Variants in HOMER2 observed in about 807,000 individuals in gnomAD.
HOMER2 encodes the protein homer scaffold protein 2.
HOMER2 carries 27 observed loss-of-function variants against 47.0 expected under a neutral mutation model. The ratio of observed to expected loss-of-function variants is 0.57; its 90% confidence interval spans 0.42 to 0.79. The LOEUF is 0.79. Ranked by LOEUF, HOMER2 falls within the 30% of genes least tolerant of loss-of-function variation. The pLI, the probability that HOMER2 is intolerant of heterozygous loss-of-function variation, is 0.00. For synonymous variants in HOMER2, 161 were observed against 163.8 expected (o/e 0.98, Z 0.13); for missense variants, 443 against 435.0 (o/e 1.02, Z -0.16).
chr15:82,985,688 C>G (rs1216851508), intron 1 of HOMER2: 1 of 152,216 alleles, frequency 6.6e-6, no homozygotes, highest in East Asian at 1.9e-4. Context: ...ATGGGCAAGA[C>G]TCTTGGAAGT....
chr15:82,836,415 C>T (rs776093755), downstream of HOMER2, among the ~76,000 whole-genome samples: 7 of 152,240 alleles, frequency 4.6e-5, no homozygotes, highest in Non-Finnish European at 1.0e-4. Flanking sequence ...CAGCCCCTGC[C>T]CCTGCCACAG....
intron 1 of HOMER2, among the ~76,000 whole-genome samples, chr15:82,966,182 TAAG>T (rs886669740): frequency 4.0e-5 from 6 of 151,768 alleles, no homozygotes; most frequent in African/African-American, 1.5e-4. Flanking sequence ...ATGCAAGGAG[TAAG>T]CATAAGCTGA....
intron 1 of HOMER2, among the ~76,000 whole-genome samples, chr15:82,962,307 G>C (rs971793870): frequency 1.3e-5 from 2 of 149,782 alleles, no homozygotes; most frequent in Non-Finnish European, 3.0e-5. Context: ...GGAGCTTGCA[G>C]TGAGCTGAGA....
chr15:82,950,715 G>A (rs1302111739), intron 1 of HOMER2, among the ~76,000 whole-genome samples: 2 of 152,166 alleles, frequency 1.3e-5, no homozygotes, highest in Admixed American at 6.5e-5. Flanking sequence ...TACATTTATC[G>A]AATGATGTTA....
chr15:82,867,367 GAAA>G (rs10583915), intron 3 of HOMER2, among the ~76,000 whole-genome samples: 1 of 133,966 alleles, frequency 7.5e-6, no homozygotes. Context: ...AATATAAAAG[GAAA>G]AAAAAAAAAA....
At chr15:82,839,127 A>T (rs976958596) in exon 2 of HOMER2, 1 of 152,056 alleles carries the variant, frequency 6.6e-6, no homozygotes, top group Non-Finnish European at 1.5e-5. Context: ...TATCTGGTGG[A>T]ATGAGTCTCT....
At chr15:82,953,637 G>A (rs1305793083), upstream of HOMER2, among the ~76,000 whole-genome samples, 2 of 152,176 alleles carry the variant, frequency 1.3e-5, no homozygotes, top group Non-Finnish European at 2.9e-5. Context: ...ACTTTGGGAG[G>A]CCGAGGCGGG....
intron 2 of HOMER2, among the ~76,000 whole-genome samples, chr15:82,877,236 C>T (rs1338716622): frequency 6.6e-6 from 1 of 152,090 alleles, no homozygotes; most frequent in Non-Finnish European, 1.5e-5. Flanking sequence ...ATGGCATGAT[C>T]AAGGCTCACT....
intron 1 of HOMER2, among the ~76,000 whole-genome samples, chr15:82,977,555 G>C (rs1567080907): frequency 6.6e-6 from 1 of 152,032 alleles, no homozygotes; most frequent in African/African-American, 2.4e-5. Context: ...TTAGAAATTG[G>C]AAAGTCTAAG....
chr15:82,921,735 A>T (rs1317258226), intron 1 of HOMER2, among the ~76,000 whole-genome samples: 3 of 152,158 alleles, frequency 2.0e-5, no homozygotes, highest in African/African-American at 7.2e-5. Flanking sequence ...TGTGCAGGGC[A>T]GACTGGTCAG....
chr15:82,882,189 G>A (rs1663145556), intron 2 of HOMER2, among the ~76,000 whole-genome samples: 1 of 152,222 alleles, frequency 6.6e-6, no homozygotes, highest in Non-Finnish European at 1.5e-5. Context: ...TCTGTCCAGT[G>A]TCTATAAACA....
intron 1 of HOMER2, among the ~76,000 whole-genome samples, chr15:82,905,723 A>G (rs1028161536): frequency 6.6e-6 from 1 of 152,218 alleles, no homozygotes; most frequent in African/African-American, 2.4e-5. Context: ...CTGAGAAATT[A>G]TTGTTTAAAA....
At chr15:82,881,228 C>G (rs2052511883) in intron 2 of HOMER2, among the ~76,000 whole-genome samples, 1 of 152,212 alleles carries the variant, frequency 6.6e-6, no homozygotes, top group Admixed American at 6.5e-5. Flanking sequence ...ACAAAATGCA[C>G]AAAACACAGG....
chr15:82,836,882 G>A (rs1209933228), downstream of HOMER2: 1 of 152,242 alleles, frequency 6.6e-6, no homozygotes, highest in African/African-American at 2.4e-5. Context: ...CATAGGGTGT[G>A]TAAAAGCACA....
upstream of HOMER2, among the ~76,000 whole-genome samples, chr15:82,953,023 C>T (rs897233776): frequency 4.6e-5 from 7 of 152,228 alleles, no homozygotes; most frequent in Admixed American, 3.3e-4. Flanking sequence ...CCATTCACAC[C>T]TGGCGGGGAC....
Position 82,952,652 on chromosome 15 carries a change from C to A in HOMER2, c.-117G>T, listed in dbSNP as rs919296580. 9.9e-7 allele frequency: 1 copy of A among 1,007,260 alleles called. No individual in the cohort carries two copies. The highest frequency in any genetic ancestry group is 4.5e-5 in the South Asian group (1 of 22,222). 62.4% of individuals were successfully genotyped at this position (1,007,260 alleles called of 1,614,324 possible). A position where few individuals can be genotyped will look rare whatever the true frequency, so the allele number is the denominator to read the frequency against. The stretch of plus-strand genomic sequence containing the variant: ...GGCCCGTGCGCGCCCGGCTCAGCCC[C>A]GGCGCCGCTCCATTCCGCGGGGCTG... On this transcript the variant is annotated 5_prime_UTR_variant, in exon 1 of 9. Transcript: ENST00000450735.
intron 1 of HOMER2, among the ~76,000 whole-genome samples, chr15:82,916,229 C>T (rs1033587601): frequency 2.6e-5 from 4 of 152,186 alleles, no homozygotes; most frequent in East Asian, 1.9e-4. Context: ...GTGAAAAGAG[C>T]GAGTTGCTAA....
intron 1 of HOMER2, among the ~76,000 whole-genome samples, chr15:82,979,522 G>A (rs1210293218): frequency 1.3e-5 from 2 of 152,158 alleles, no homozygotes; most frequent in Non-Finnish European, 2.9e-5. Flanking sequence ...GGGGAGCAAG[G>A]CTAGATACAG....
intron 1 of HOMER2, among the ~76,000 whole-genome samples, chr15:82,929,355 G>T (rs2151191558): frequency 6.6e-6 from 1 of 152,216 alleles, no homozygotes; most frequent in Non-Finnish European, 1.5e-5. Context: ...CAGGTTCTGA[G>T]CAAAAGAAAT....
Sources: gnomAD v4.1 joint callset for allele counts (sites outside exome capture counted in the v4.1 genomes callset) on GRCh38, gnomAD v4.1.1 for gene constraint, MANE v1.5 for transcripts, NCBI Gene and HGNC (gene_info 2026-07-23, HGNC 2026-07-21) for gene names.